Variants in ACSL3 observed in about 807,000 individuals in gnomAD.
The protein encoded by ACSL3 is fatty acid CoA ligase Acsl3.
In ACSL3, 34 loss-of-function variants were observed where a neutral mutation model predicts 84.7. The observed-to-expected ratio is 0.40, with a 90% confidence interval of 0.31 to 0.53. The LOEUF (loss-of-function observed/expected upper bound fraction) is 0.53, where lower values mean the gene tolerates loss of function less well. Among genes scored for constraint, ACSL3 ranks in the 20% least tolerant of loss-of-function variants. ACSL3 has a pLI of 0.48. For synonymous variants in ACSL3, 315 were observed against 299.4 expected (o/e 1.05, Z -0.54); for missense variants, 680 against 873.1 (o/e 0.78, Z 2.79).
chr2:222,919,330 C>T (rs964473623), intron 7 of ACSL3, 128 bp downstream of exon 7: 3 of 1,077,576 alleles, frequency 2.8e-6, no homozygotes, highest in Admixed American at 2.8e-5. Flanking sequence ...GTTAGGAAAA[C>T]AGGTCCCTCT....
intron 1 of ACSL3, among the ~76,000 whole-genome samples, chr2:222,877,949 C>A (rs939151942): frequency 6.6e-6 from 1 of 152,078 alleles, no homozygotes; most frequent in Non-Finnish European, 1.5e-5. Context: ...TGCTGTCTTT[C>A]TTAGATAAGT....
chr2:222,928,979 T>G (rs1026326772), intron 13 of ACSL3, 43 bp downstream of exon 13: 3 of 1,528,180 alleles, frequency 2.0e-6, no homozygotes, highest in Non-Finnish European at 2.7e-6. Context: ...TTTTAAAGTA[T>G]TAAACTTGAA....
chr2:222,908,218 A>T (rs1696347247), intron 3 of ACSL3, among the ~76,000 whole-genome samples: 5 of 152,234 alleles, frequency 3.3e-5, no homozygotes, highest in Admixed American at 3.3e-4. Context: ...AACTATCTGT[A>T]GAGCCATTGT....
intron 2 of ACSL3, among the ~76,000 whole-genome samples, chr2:222,889,003 AGTT>A (rs1695783288): frequency 6.6e-6 from 1 of 152,228 alleles, no homozygotes; most frequent in Non-Finnish European, 1.5e-5. Flanking sequence ...TTCTTTTAGT[AGTT>A]AATGGGTTAT....
chr2:222,872,510 T>C lies in ACSL3; in HGVS notation c.-207+11252T>C, dbSNP rs146903514. Among the ~76,000 whole-genome samples the C allele has an allele frequency of 5.4e-3, 815 of 152,284 alleles. 8 individuals carry two copies. The highest frequency in any genetic ancestry group is 0.034 in the Middle Eastern group (10 of 294). On this transcript the variant is annotated intron_variant, in intron 1 of 16. Coordinates refer to ENST00000357430, the MANE Select transcript of ACSL3 (RefSeq NM_004457.5). The stretch of plus-strand genomic sequence containing the variant: ...TAACATCTGTCATCCATCCATCTGT[T>C]TGTCTATCGGTGTGATGGATGCTCC...
At chr2:222,933,378 A>G (rs1697082599) in intron 15 of ACSL3, 98 bp downstream of exon 15, 1 of 794,904 alleles carries the variant, frequency 1.3e-6, no homozygotes, top group Admixed American at 2.8e-5. Flanking sequence ...TGTTCCGAGA[A>G]CTCTTCCTAT....
intron 10 of ACSL3, among the ~76,000 whole-genome samples, chr2:222,923,973 C>T (rs1370930988): frequency 3.9e-5 from 6 of 152,138 alleles, no homozygotes; most frequent in Admixed American, 1.3e-4. Flanking sequence ...GGTGCAATAT[C>T]GAAAGTCAAA....
intron 15 of ACSL3, chr2:222,933,628 A>C (rs1197449297): frequency 5.9e-6 from 1 of 170,716 alleles, no homozygotes; most frequent in Admixed American, 6.2e-5. Flanking sequence ...GGAGTAAAGA[A>C]GTGGCAGTGA....
chr2:222,924,595 GGTAA>G lies in ACSL3; in HGVS notation c.1292+5_1292+8del. On this transcript the variant is annotated splice_donor_variant and splice_donor_region_variant and intron_variant, in intron 11 of 16. Coordinates refer to ENST00000357430, the MANE Select transcript of ACSL3 (RefSeq NM_004457.5). LOFTEE classifies it high-confidence loss of function. ...GGACGTAATACTCCACTGTGCGACAGGTAAGTAAAGACTCTCTACCTCCTTCTTT... is the reference window on the plus strand; with the variant it reads ...GGACGTAATACTCCACTGTGCGACAGGTAAAGACTCTCTACCTCCTTCTTT... 3 of 1,594,644 alleles carry G rather than the reference GGTAA, an allele frequency of 1.9e-6. No individual in the cohort carries two copies. Among genetic ancestry groups the G allele is most frequent in the Non-Finnish European group, 2.6e-6 (3 of 1,173,042 alleles).
At chr2:222,900,326 G>A (rs559324222) in intron 2 of ACSL3, among the ~76,000 whole-genome samples, 6 of 151,810 alleles carry the variant, frequency 4.0e-5, no homozygotes, top group East Asian at 1.9e-4. Context: ...TCTCCTTCTC[G>A]GCCCCATGGA....
intron 1 of ACSL3, among the ~76,000 whole-genome samples, chr2:222,882,933 A>G (rs1488966130): frequency 6.6e-6 from 1 of 150,864 alleles, no homozygotes; most frequent in Non-Finnish European, 1.5e-5. Context: ...ATGCCTGGCT[A>G]ATTTTTGGTA....
At chr2:222,899,740 C>T (rs1696088814) in intron 2 of ACSL3, among the ~76,000 whole-genome samples, 1 of 152,232 alleles carries the variant, frequency 6.6e-6, no homozygotes, top group South Asian at 2.1e-4. Context: ...AAGATGTGCT[C>T]TGCTACAGGG....
Position 222,908,933 on chromosome 2 carries a change from G to A in ACSL3, c.161G>A (p.Arg54Gln), listed in dbSNP as rs1177812495. Residue 54 changes from arginine to glutamine, a missense_variant, in exon 4 of 17, where the codon CGA (arginine) becomes CAA (glutamine). By Grantham distance (43) the Arg-to-Gln change is conservative. Coordinates refer to ENST00000357430, the MANE Select transcript of ACSL3 (RefSeq NM_004457.5). Reference sequence around the variant, plus strand: ...GAGTCAAGACAAGAAAAATCAAACCGAATTAAAGCAAAGCCTGTAAATTCA... The same window carrying A: ...GAGTCAAGACAAGAAAAATCAAACCAAATTAAAGCAAAGCCTGTAAATTCA... ...FSESRQEKSN[R>Q]IKAKPVNSKP... is the part of the protein sequence containing the mutation. 5 of 1,612,880 alleles carry A rather than the reference G, an allele frequency of 3.1e-6. No homozygotes were observed. Among genetic ancestry groups the A allele is most frequent in the South Asian group, 1.1e-5 (1 of 90,666 alleles).
At chr2:222,868,852 C>CAG (rs1304738001) in intron 1 of ACSL3, among the ~76,000 whole-genome samples, 1 of 151,942 alleles carries the variant, frequency 6.6e-6, no homozygotes, top group East Asian at 1.9e-4. Flanking sequence ...TGCCTGTAAT[C>CAG]CCAGCTACTT....
At chr2:222,864,994 T>C (rs1033581261) in intron 1 of ACSL3, among the ~76,000 whole-genome samples, 2 of 152,258 alleles carry the variant, frequency 1.3e-5, no homozygotes, top group Non-Finnish European at 2.9e-5. Context: ...CATTGTGTGA[T>C]TGATTTAAAA....
intron 2 of ACSL3, 54 bp from the exon 3 acceptor site, chr2:222,900,620 T>C (rs1314473970): frequency 6.6e-6 from 1 of 152,228 alleles, no homozygotes; most frequent in East Asian, 1.9e-4. Flanking sequence ...GATCATTTTC[T>C]CTCCTTGTAT....
At chr2:222,862,017 C>T (rs1165172354) in intron 1 of ACSL3, among the ~76,000 whole-genome samples, 1 of 152,102 alleles carries the variant, frequency 6.6e-6, no homozygotes, top group Non-Finnish European at 1.5e-5. Flanking sequence ...AGAAAGTGTG[C>T]TCTAAGCTGC....
chr2:222,864,668 G>A (rs1318294730), intron 1 of ACSL3, among the ~76,000 whole-genome samples: 1 of 152,172 alleles, frequency 6.6e-6, no homozygotes, highest in African/African-American at 2.4e-5. Context: ...GACAGAAACT[G>A]TTTCCAATAG....
intron 8 of ACSL3, among the ~76,000 whole-genome samples, chr2:222,922,406 T>C (rs1421831163): frequency 6.6e-6 from 1 of 152,248 alleles, no homozygotes; most frequent in Admixed American, 6.5e-5. Context: ...AGTACTTTGC[T>C]TCAGCAACGC....
Sources: gnomAD v4.1 joint callset for allele counts (sites outside exome capture counted in the v4.1 genomes callset) on GRCh38, gnomAD v4.1.1 for gene constraint, MANE v1.5 for transcripts, NCBI Gene and HGNC (gene_info 2026-07-23, HGNC 2026-07-21) for gene names.